The following RAD54L2 variants were observed in gnomAD, a reference collection of about 807,000 sequenced individuals.
The protein encoded by RAD54L2 is helicase ARIP4.
In RAD54L2, 27 loss-of-function variants were observed where a neutral mutation model predicts 138.4. That is an observed-to-expected ratio of 0.20 (90% CI 0.14 to 0.27). The LOEUF is 0.27. Among genes scored for constraint, RAD54L2 ranks in the 10% least tolerant of loss-of-function variants. RAD54L2 has a pLI of 1.00. For synonymous variants in RAD54L2, 644 were observed against 723.2 expected, an observed-to-expected ratio of 0.89 and a Z score of 1.76; for missense variants, 1,396 against 1,890.2, an observed-to-expected ratio of 0.74 and a Z score of 4.85.
At position 51,637,729 on chromosome 3, in the gene RAD54L2, G is replaced by A. The variant is rs1701021707; in HGVS notation, c.1682+226G>A. On this transcript the variant is annotated intron_variant, in intron 11 of 22. Transcript: ENST00000684192. The surrounding 1 kb of genome is among the most constrained non-coding windows in gnomAD (Gnocchi z 5.9). ...GCTTCTCTCAAAAGTTATCTTTAAA[G>A]GTACTGGAGACACCTGTCTTACTTG... Among the ~76,000 whole-genome samples, 1 of 152,226 alleles carries A rather than the reference G, an allele frequency of 6.6e-6. No homozygotes were observed. The highest frequency in any genetic ancestry group is 2.4e-5 in the African/African-American group (1 of 41,456).
At chr3:51,651,425 C>T (rs909246058) in intron 19 of RAD54L2, among the ~76,000 whole-genome samples, 1 of 152,142 alleles carries the variant, frequency 6.6e-6, no homozygotes, top group East Asian at 1.9e-4. Context: ...AATTCTCCCT[C>T]ACTCATTTTA....
At chr3:51,653,699 CA>C (rs1051747708) in intron 19 of RAD54L2, among the ~76,000 whole-genome samples, 20 of 152,222 alleles carry the variant, frequency 1.3e-4, no homozygotes, top group African/African-American at 4.8e-4. Flanking sequence ...CCAAACACTG[CA>C]TGTTCTCACT....
rs368715212 is a variant in RAD54L2, at chr3:51,631,017, C to T, written c.825+86C>T. ...CTGCTGGTGGTTATTAGCGTCACAG[C>T]CTGTGAAGTACTTGTTTGGTACCAA... On this transcript the variant is annotated intron_variant, in intron 7 of 22. Transcript: ENST00000684192. 22 of 1,315,606 alleles carry T rather than the reference C, an allele frequency of 1.7e-5. 1 individual carries two copies. The East Asian group carries it at 2.1e-4, about 13-fold the overall frequency. 81.5% of individuals were successfully genotyped at this position (1,315,606 alleles called of 1,614,324 possible).
At position 51,629,440 on chromosome 3, in the gene RAD54L2, C is replaced by G. The variant is rs1272855029; in HGVS notation, c.448C>G (p.Pro150Ala). 67 of 1,612,392 alleles carry G rather than the reference C, an allele frequency of 4.2e-5. No individual in the cohort carries two copies. Among genetic ancestry groups the G allele is most frequent in the Non-Finnish European group, 5.6e-5 (66 of 1,179,392 alleles). The change falls in exon 5 of 23, where the codon CCT becomes GCT. Residue 150 changes from proline (P) to alanine (A), a missense_variant. Physicochemically the swap from Pro to Ala is conservative, Grantham distance 27. Transcript: ENST00000684192. ...LEQQRKDYAA[P>A]IPTVPLEFLP... is the part of the protein sequence containing the mutation. ...GCAGCAGAGGAAAGATTATGCAGCC[C>G]CTATTCCTACTGTTCCGCTGGAGTT...
Position 51,549,878 on chromosome 3 carries a change from A to G in RAD54L2, c.-55+8228A>G, listed in dbSNP as rs572613011. ...TCCAGTCCCACTGTCTCCACACCCT[A>G]TCTCTTCATTTTTCTTTCCCTGTGT... On this transcript the variant is annotated intron_variant, in intron 2 of 22. Transcript: ENST00000684192. 6.6e-5 allele frequency among the ~76,000 whole-genome samples: 10 copies of G among 151,268 alleles called. No homozygotes were observed. The South Asian group carries it at 1.7e-3, about 25-fold the overall frequency.
Position 51,662,753 on chromosome 3 carries a change from A to G in RAD54L2, c.3737A>G (p.His1246Arg). ...LVTGQPCGDR[H>R]PVLDLRGHKR... ...ACTGGCCAGCCCTGTGGTGACAGGCACCCAGTGCTGGACTTAAGGGGCCAC... is the reference window on the plus strand; with the variant it reads ...ACTGGCCAGCCCTGTGGTGACAGGCGCCCAGTGCTGGACTTAAGGGGCCAC... Residue 1246 changes from histidine to arginine, a missense_variant, in exon 23 of 23, where the codon CAC (histidine) becomes CGC (arginine). By Grantham distance (29) the His-to-Arg change is conservative. Coordinates refer to ENST00000684192, the MANE Select transcript of RAD54L2 (RefSeq NM_015106.4). The surrounding 1 kb of genome is among the most constrained non-coding windows in gnomAD (Gnocchi z 4.6). 1 of 1,612,430 alleles carries G rather than the reference A, an allele frequency of 6.2e-7. No homozygotes were observed. The highest frequency in any genetic ancestry group is 8.5e-7 in the Non-Finnish European group (1 of 1,179,336).
chr3:51,571,542 A>C (rs944747490), intron 2 of RAD54L2, among the ~76,000 whole-genome samples: 1 of 151,630 alleles, frequency 6.6e-6, no homozygotes, highest in South Asian at 2.1e-4. Context: ...GTGCATCACT[A>C]TTTTTAGTAG....
intron 2 of RAD54L2, among the ~76,000 whole-genome samples, chr3:51,577,486 C>A (rs1276255424): frequency 6.6e-6 from 1 of 152,134 alleles, no homozygotes; most frequent in Non-Finnish European, 1.5e-5. Flanking sequence ...GTCTAAGTCT[C>A]TTTTTAGGTC....
intron 16 of RAD54L2, among the ~76,000 whole-genome samples, chr3:51,644,257 C>G (rs775294150): frequency 5.9e-5 from 9 of 152,064 alleles, no homozygotes; most frequent in Non-Finnish European, 1.3e-4. Flanking sequence ...CCCAGGGGTT[C>G]AAGATACTGA....
chr3:51,662,837 A>T lies in RAD54L2; in HGVS notation c.3821A>T (p.Lys1274Met), dbSNP rs1432881739. Reference protein sequence around the residue: ...AQESSRRRSRKGHLPAPVQPY... With the variant: ...AQESSRRRSRMGHLPAPVQPY... ...GAGTCATCCCGCCGGCGGTCCAGGAAGGGTCATCTGCCAGCCCCCGTGCAG... is the reference window on the plus strand; with the variant it reads ...GAGTCATCCCGCCGGCGGTCCAGGATGGGTCATCTGCCAGCCCCCGTGCAG... Residue 1274 changes from lysine to methionine, a missense_variant, in exon 23 of 23, where the codon AAG becomes ATG. Lys to Met is a moderately conservative substitution (Grantham distance 95). This residue lies in a region of RAD54L2 where 634 missense variants were observed against 711.2 expected (regional missense o/e 0.89). Transcript: ENST00000684192. The surrounding 1 kb of genome is among the most constrained non-coding windows in gnomAD (Gnocchi z 4.6). The T allele has an allele frequency of 6.2e-7, 1 of 1,612,856 alleles. No individual in the cohort carries two copies. Among genetic ancestry groups the T allele is most frequent in the Non-Finnish European group, 8.5e-7 (1 of 1,179,586 alleles).
chr3:51,657,795 C>T (rs1044624163), intron 21 of RAD54L2, 126 bp downstream of exon 21: 16 of 672,446 alleles, frequency 2.4e-5, no homozygotes, highest in East Asian at 8.7e-5. Flanking sequence ...TGTCACATTC[C>T]GGAACTGAAT....
At chr3:51,598,258 G>T (rs1270087573) in intron 3 of RAD54L2, among the ~76,000 whole-genome samples, 1 of 150,638 alleles carries the variant, frequency 6.6e-6, no homozygotes, top group Non-Finnish European at 1.5e-5. Context: ...GCATGTGTTA[G>T]GCCTCAGGGG....
intron 19 of RAD54L2, among the ~76,000 whole-genome samples, chr3:51,651,129 A>C (rs1325799900): frequency 6.6e-6 from 1 of 152,222 alleles, no homozygotes; most frequent in East Asian, 1.9e-4. Flanking sequence ...ACGGAAATAC[A>C]AACTAGCATC....
Position 51,538,796 on chromosome 3 carries a change from TCCCGCCTCAGCCGCCGCC to T in RAD54L2, c.-227_-210del, listed in dbSNP as rs1274790622. Among the ~76,000 whole-genome samples the T allele has an allele frequency of 6.6e-6, 1 of 151,512 alleles. No homozygotes were observed. The highest frequency in any genetic ancestry group is 1.5e-5 in the Non-Finnish European group (1 of 67,864). ...CGGCGCCCGGGCCTGGCCGGCTGCT[TCCCGCCTCAGCCGCCGCC>T]CCCGCCTCCGCCGCCGCAGACTTTG... On this transcript the variant is annotated 5_prime_UTR_variant, in exon 1 of 23. Coordinates refer to ENST00000684192, the MANE Select transcript of RAD54L2 (RefSeq NM_015106.4).
intron 2 of RAD54L2, among the ~76,000 whole-genome samples, chr3:51,576,515 C>A (rs1440626906): frequency 6.6e-6 from 1 of 152,106 alleles, no homozygotes; most frequent in Non-Finnish European, 1.5e-5. Context: ...ATTATTGCCT[C>A]AATTTCAGAG....
intron 3 of RAD54L2, among the ~76,000 whole-genome samples, chr3:51,597,515 A>G (rs753381481): frequency 6.6e-6 from 1 of 152,112 alleles, no homozygotes; most frequent in Non-Finnish European, 1.5e-5. Context: ...CAAAATTCAC[A>G]TACGTTTTTT....
Position 51,638,433 on chromosome 3 carries a change from C to A in RAD54L2, c.1860+112C>A. 1 of 1,302,670 alleles carries A rather than the reference C, an allele frequency of 7.7e-7. No homozygotes were observed. Among genetic ancestry groups the A allele is most frequent in the Non-Finnish European group, 1.1e-6 (1 of 937,706 alleles). 80.7% of individuals were successfully genotyped at this position (1,302,670 alleles called of 1,614,324 possible). On this transcript the variant is annotated intron_variant, in intron 12 of 22. Coordinates refer to ENST00000684192, the MANE Select transcript of RAD54L2 (RefSeq NM_015106.4). The surrounding 1 kb of genome is among the most constrained non-coding windows in gnomAD (Gnocchi z 4.3). ...AAAGGGAGAATAAAGTGAGAGGGGG[C>A]CACCTCAGTTCACTGCACTGGAGGT... is the stretch of plus-strand genomic sequence containing the variant.
intron 3 of RAD54L2, among the ~76,000 whole-genome samples, chr3:51,605,832 A>G (rs951895454): frequency 6.6e-6 from 1 of 152,162 alleles, no homozygotes; most frequent in Non-Finnish European, 1.5e-5. Context: ...AGCAGCAGCC[A>G]TTGCCTTTCT....
chr3:51,546,326 A>G (rs1553672257), intron 2 of RAD54L2, among the ~76,000 whole-genome samples: 1 of 152,120 alleles, frequency 6.6e-6, no homozygotes, highest in East Asian at 1.9e-4. Context: ...GGTTAAAGAT[A>G]AAAGTTGATA....
Sources: allele counts gnomAD v4.1 joint callset (sites outside exome capture counted in the v4.1 genomes callset), GRCh38; gene constraint gnomAD v4.1.1; regional missense constraint gnomAD v4.1.1; non-coding constraint Gnocchi (gnomAD v3.1); transcripts MANE v1.5; gene names NCBI Gene and HGNC (gene_info 2026-07-23, HGNC 2026-07-21).